MAML2: variants seen among roughly 807,000 people sequenced by gnomAD.
The protein encoded by MAML2 is mastermind like transcriptional coactivator 2.
In MAML2, 22 loss-of-function variants were observed where a neutral mutation model predicts 96.1. The ratio of observed to expected loss-of-function variants is 0.23; its 90% confidence interval spans 0.16 to 0.33. The LOEUF (loss-of-function observed/expected upper bound fraction) is 0.33, where lower values mean the gene tolerates loss of function less well. Ranked by LOEUF, MAML2 falls within the 10% of genes least tolerant of loss-of-function variation. The pLI, the probability that MAML2 is intolerant of heterozygous loss-of-function variation, is 1.00. For synonymous variants in MAML2, 561 were observed against 521.3 expected, an observed-to-expected ratio of 1.08 and a Z score of -1.04; for missense variants, 1,367 against 1,392.4, an observed-to-expected ratio of 0.98 and a Z score of 0.29.
At chr11:96,122,529 T>TGTGC (rs55861097) in intron 1 of MAML2, among the ~76,000 whole-genome samples, 2 of 142,188 alleles carry the variant, frequency 1.4e-5, no homozygotes, top group African/African-American at 5.2e-5. Flanking sequence ...TGTGTGTGTG[T>TGTGC]GCACGTGCAC....
At chr11:96,044,882 G>T (rs1292682834) in intron 2 of MAML2, among the ~76,000 whole-genome samples, 1 of 152,200 alleles carries the variant, frequency 6.6e-6, no homozygotes, top group African/African-American at 2.4e-5. Flanking sequence ...TCTTGTTCCA[G>T]ATAAAAGTAT....
chr11:96,163,593 T>C (rs1861146596), intron 1 of MAML2, among the ~76,000 whole-genome samples: 1 of 152,198 alleles, frequency 6.6e-6, no homozygotes, highest in African/African-American at 2.4e-5. Flanking sequence ...ATACAGCTAC[T>C]CCATCTTCTC....
At chr11:96,089,658 TAC>T (rs1859673314) in intron 2 of MAML2, among the ~76,000 whole-genome samples, 1 of 152,184 alleles carries the variant, frequency 6.6e-6, no homozygotes. Context: ...CTTACTTGAC[TAC>T]ACAGCTGAAG....
chr11:96,290,497 A>G (rs3858386), intron 1 of MAML2, among the ~76,000 whole-genome samples: 4,404 of 152,330 alleles, frequency 0.029, 79 homozygotes, highest in South Asian at 0.049. Flanking sequence ...AGAAGCATTG[A>G]GTAGCCAAAC....
chr11:96,266,761 C>T (rs1032736258), intron 1 of MAML2, among the ~76,000 whole-genome samples: 4 of 152,090 alleles, frequency 2.6e-5, no homozygotes, highest in African/African-American at 9.7e-5. Context: ...TCTAGGCTTC[C>T]TGTGCTATGA....
Position 96,086,043 on chromosome 11 carries a change from T to G in MAML2, c.2139+5849A>C, listed in dbSNP as rs150701908. The stretch of plus-strand genomic sequence containing the variant: ...AAATGCCCACATGATTTTTGCTCAC[T>G]TCTTATATAGAATGGATTGTTAAGG... On this transcript the variant is annotated intron_variant, in intron 2 of 4. Coordinates refer to ENST00000524717, the MANE Select transcript of MAML2 (RefSeq NM_032427.4). Among the ~76,000 whole-genome samples the G allele has an allele frequency of 2.7e-3, 412 of 152,370 alleles. 2 individuals carry two copies. Among genetic ancestry groups the G allele is most frequent in the Non-Finnish European group, 4.1e-3 (276 of 68,030 alleles).
chr11:96,335,811 G>T (rs1863913666), intron 1 of MAML2, among the ~76,000 whole-genome samples: 1 of 152,080 alleles, frequency 6.6e-6, no homozygotes, highest in Non-Finnish European at 1.5e-5. Flanking sequence ...GTCCCCCTCA[G>T]TACTCACGTC....
chr11:96,299,060 AATAT>A lies in MAML2; in HGVS notation c.513+42319_513+42322del, dbSNP rs1555037073. Among the ~76,000 whole-genome samples the A allele has an allele frequency of 7.1e-5, 4 of 56,336 alleles. 1 individual carries two copies. Among genetic ancestry groups the A allele is most frequent in the African/African-American group, 1.8e-4 (2 of 11,182 alleles). 37.0% of individuals were successfully genotyped at this position (56,336 alleles called of 152,430 possible). Reference sequence around the variant, plus strand: ...AGTCCATCTCAAAAAAAAAAAAAAAAATATATATATATATATATATAAAATTTCA... The same window carrying A: ...AGTCCATCTCAAAAAAAAAAAAAAAAATATATATATATATATAAAATTTCA... On this transcript the variant is annotated intron_variant, in intron 1 of 4. Coordinates refer to ENST00000524717, the MANE Select transcript of MAML2 (RefSeq NM_032427.4).
rs760811590 is a variant in MAML2 at position 96,159,407 on chromosome 11, C to CTTTTTTTTTTTTTT, written c.514-65904_514-65891dup. On this transcript the variant is annotated intron_variant, in intron 1 of 4. Transcript: ENST00000524717. ...TAACCGTGCCTCTAAACCACTGATTCTTTTTTTTTTTTTTTTTTTTTTTGA... is the reference window on the plus strand; with the variant it reads ...TAACCGTGCCTCTAAACCACTGATTCTTTTTTTTTTTTTTTTTTTTTTTTTTTTTTTTTTTTTGA... Among the ~76,000 whole-genome samples, 290 of 91,114 alleles carry CTTTTTTTTTTTTTT rather than the reference C, an allele frequency of 3.2e-3. 29 individuals are homozygous for CTTTTTTTTTTTTTT. The highest frequency in any genetic ancestry group is 0.012 in the East Asian group (28 of 2,266). 59.8% of individuals were successfully genotyped at this position (91,114 alleles called of 152,430 possible). A position where few individuals can be genotyped will look rare whatever the true frequency, so the allele number is the denominator to read the frequency against.
At chr11:96,053,906 A>G (rs957780752) in intron 2 of MAML2, among the ~76,000 whole-genome samples, 6 of 152,136 alleles carry the variant, frequency 3.9e-5, no homozygotes, top group African/African-American at 1.4e-4. Context: ...TTTCAGCCAT[A>G]TATGTGTATC....
chr11:96,267,815 C>T (rs1243181205), intron 1 of MAML2, among the ~76,000 whole-genome samples: 1 of 152,222 alleles, frequency 6.6e-6, no homozygotes. Flanking sequence ...GGTAACCCCA[C>T]TCTCTGGAGG....
At position 96,315,393 on chromosome 11, in the gene MAML2, A is replaced by G. The variant is rs146666835; in HGVS notation, c.513+25990T>C. Among the ~76,000 whole-genome samples the G allele has an allele frequency of 4.5e-4, 69 of 152,268 alleles. 2 individuals carry two copies. The East Asian group carries it at 0.01, about 23-fold the overall frequency. On this transcript the variant is annotated intron_variant, in intron 1 of 4. Transcript: ENST00000524717. ...TGTATCTAATTTATTTCATACTTAT[A>G]TTTTCATTCAAGCTACTACCTCTTG... is the stretch of plus-strand genomic sequence containing the variant.
At chr11:96,061,283 T>TC (rs774769793) in intron 2 of MAML2, among the ~76,000 whole-genome samples, 4 of 152,164 alleles carry the variant, frequency 2.6e-5, no homozygotes, top group Admixed American at 6.6e-5. Flanking sequence ...GGATTATTCT[T>TC]CCCCTCTGGC....
At chr11:96,235,154 G>A (rs2135957293) in intron 1 of MAML2, among the ~76,000 whole-genome samples, 1 of 152,256 alleles carries the variant, frequency 6.6e-6, no homozygotes. Context: ...AGTTTGGGAT[G>A]TGGCTCATAA....
chr11:96,229,633 T>C (rs574590349), intron 1 of MAML2, among the ~76,000 whole-genome samples: 1 of 151,414 alleles, frequency 6.6e-6, no homozygotes, highest in Admixed American at 6.6e-5. Context: ...ATCGATTGAT[T>C]CATTTAAGAA....
At chr11:96,261,633 T>C (rs928567966) in intron 1 of MAML2, among the ~76,000 whole-genome samples, 4 of 152,328 alleles carry the variant, frequency 2.6e-5, no homozygotes, top group Admixed American at 2.0e-4. Context: ...TATAGAGACT[T>C]TTGAAAGGAA....
chr11:96,321,806 C>A (rs1442903719), intron 1 of MAML2, among the ~76,000 whole-genome samples: 2 of 152,202 alleles, frequency 1.3e-5, no homozygotes, highest in African/African-American at 2.4e-5. Context: ...TTTGTCATAG[C>A]AAAATGACCT....
At chr11:96,201,318 T>C (rs1861818834) in intron 1 of MAML2, among the ~76,000 whole-genome samples, 1 of 152,184 alleles carries the variant, frequency 6.6e-6, no homozygotes, top group Non-Finnish European at 1.5e-5. Context: ...AAGAGAAGGA[T>C]GTTTAATTGC....
intron 1 of MAML2, among the ~76,000 whole-genome samples, chr11:96,118,603 T>C (rs956157524): frequency 6.6e-6 from 1 of 152,142 alleles, no homozygotes; most frequent in Non-Finnish European, 1.5e-5. Flanking sequence ...TAGTAATTTC[T>C]CAATAAATGT....
Sources: allele counts gnomAD v4.1 joint callset (sites outside exome capture counted in the v4.1 genomes callset), GRCh38; gene constraint gnomAD v4.1.1; transcripts MANE v1.5; gene names NCBI Gene and HGNC (gene_info 2026-07-23, HGNC 2026-07-21).